PLA2G4D: variants seen among roughly 807,000 people sequenced by gnomAD.
PLA2G4D encodes phospholipase A2 group IVD.
In PLA2G4D, 80 loss-of-function variants were observed where a neutral mutation model predicts 94.4. That is an observed-to-expected ratio of 0.85 (90% CI 0.71 to 1.02). The LOEUF is 1.02. Ranked by LOEUF, PLA2G4D falls within the 50% of genes least tolerant of loss-of-function variation. The pLI, the probability that PLA2G4D is intolerant of heterozygous loss-of-function variation, is 0.00. For synonymous variants in PLA2G4D, 438 were observed against 440.9 expected (o/e 0.99, Z 0.08); for missense variants, 1,050 against 1,034.7 (o/e 1.01, Z -0.20).
At position 42,069,902 on chromosome 15, in the gene PLA2G4D, G is replaced by T; in HGVS notation, c.2230+7C>A. 7.1e-7 allele frequency: 1 copy of T among 1,406,928 alleles called. No individual in the cohort carries two copies. The highest frequency in any genetic ancestry group is 9.3e-7 in the Non-Finnish European group (1 of 1,080,466). The allele number at this position is 1,406,928 out of a possible 1,614,324, so 87.2% of individuals were successfully genotyped here. On this transcript the variant is annotated splice_region_variant and intron_variant, in intron 19 of 19. Coordinates refer to ENST00000290472, the MANE Select transcript of PLA2G4D (RefSeq NM_178034.4). The stretch of plus-strand genomic sequence containing the variant: ...GCAGCCTGGGTGCTTGGGAGGGGCT[G>T]CCTCACCGGGGGCTGAGTGGTCCTT...
In PLA2G4D at chr15:42,084,096, T is replaced by G. The variant is rs771487370; in HGVS notation, c.472-317A>C. On this transcript the variant is annotated intron_variant, in intron 6 of 19. Coordinates refer to ENST00000290472, the MANE Select transcript of PLA2G4D (RefSeq NM_178034.4). This position sits in a 1 kb window ranked among gnomAD's most constrained non-coding sequence, Gnocchi z 4.8. Reference sequence around the variant, plus strand: ...GTTTCTTCTCTTGTTTCCCTGTGGCTTGGAGCTGGAGGAGGTATTCTACCA... The same window carrying G: ...GTTTCTTCTCTTGTTTCCCTGTGGCGTGGAGCTGGAGGAGGTATTCTACCA... 5 of 345,920 alleles carry G rather than the reference T, an allele frequency of 1.4e-5. No individual in the cohort carries two copies. Among genetic ancestry groups the G allele is most frequent in the Non-Finnish European group, 2.2e-5 (4 of 185,366 alleles). 21.4% of individuals were successfully genotyped at this position (345,920 alleles called of 1,614,324 possible).
intron 18 of PLA2G4D, 158 bp from the exon 19 acceptor site, chr15:42,070,253 G>GT: frequency 1.4e-6 from 1 of 694,744 alleles, no homozygotes; most frequent in Non-Finnish European, 2.2e-6. Flanking sequence ...GGGAGACCCA[G>GT]GGGGAGTCCA....
In PLA2G4D at chr15:42,071,251, G is replaced by C. The variant is rs911394090; in HGVS notation, c.1748C>G (p.Thr583Arg). The change falls in exon 17 of 20, where the codon ACG becomes AGG. Residue 583 changes from threonine (T) to arginine (R), a missense_variant. Transcript: ENST00000290472. ...RLEASWLQPG[T>R]ALAQAFKGFL... ...GCCTTTAAATGCCTGGGCCAGCGCCGTGCCTGGCTGCAGCCACGAGGCCTC... is the reference window on the plus strand; with the variant it reads ...GCCTTTAAATGCCTGGGCCAGCGCCCTGCCTGGCTGCAGCCACGAGGCCTC... The C allele has an allele frequency of 1.2e-6, 2 of 1,608,682 alleles. No individual in the cohort carries two copies. The highest frequency in any genetic ancestry group is 2.7e-5 in the African/African-American group (2 of 74,574).
At chr15:42,072,467 C>G in intron 13 of PLA2G4D, 75 bp from the exon 14 acceptor site, 2 of 1,206,678 alleles carry the variant, frequency 1.7e-6, no homozygotes, top group Non-Finnish European at 2.4e-6. Context: ...AGGACAGGGG[C>G]AGGATGGGGG....
intron 1 of PLA2G4D, among the ~76,000 whole-genome samples, chr15:42,088,565 G>C (rs554266665): frequency 6.6e-6 from 1 of 152,172 alleles, no homozygotes. Flanking sequence ...CCTGCAGCAC[G>C]GCTTTTTCTG....
In PLA2G4D at chr15:42,070,113, G is replaced by T; in HGVS notation, c.2044-18C>A. 1.3e-6 allele frequency: 2 copies of T among 1,482,158 alleles called. No homozygotes were observed. Among genetic ancestry groups the T allele is most frequent in the Non-Finnish European group, 8.9e-7 (1 of 1,122,698 alleles). The allele number at this position is 1,482,158 out of a possible 1,614,324, so 91.8% of individuals were successfully genotyped here. A position where few individuals can be genotyped will look rare whatever the true frequency, so the allele number is the denominator to read the frequency against. On this transcript the variant is annotated intron_variant, in intron 18 of 19. Coordinates refer to ENST00000290472, the MANE Select transcript of PLA2G4D (RefSeq NM_178034.4). ...TGCAGTGCCTGGTGGGGAGAAGGTG[G>T]CCCGGAGAGAACCAGCCCGGCCCAG...
chr15:42,091,836 T>C lies in PLA2G4D; in HGVS notation c.45+2579A>G, dbSNP rs561129115. 6.3e-4 allele frequency among the ~76,000 whole-genome samples: 96 copies of C among 152,308 alleles called. 1 individual carries two copies. The highest frequency in any genetic ancestry group is 7.2e-4 in the Non-Finnish European group (49 of 68,020). On this transcript the variant is annotated intron_variant, in intron 1 of 19. Transcript: ENST00000290472. The stretch of plus-strand genomic sequence containing the variant: ...GAAATAATGGCGTAAGCTGTCTTTC[T>C]CTTTGTCTCCTCTCTCTCTCTGCCT...
intron 8 of PLA2G4D, 47 bp downstream of exon 8, chr15:42,083,151 G>C: frequency 6.3e-7 from 1 of 1,583,450 alleles, no homozygotes. Flanking sequence ...TGCAGCTGGA[G>C]CTGCCCAAGC....
intron 13 of PLA2G4D, among the ~76,000 whole-genome samples, chr15:42,078,596 G>A (rs1008220112): frequency 1.3e-5 from 2 of 152,030 alleles, no homozygotes; most frequent in Admixed American, 1.3e-4. Flanking sequence ...AAAGTTGAAG[G>A]CAAATTCATT....
chr15:42,087,254 G>T lies in PLA2G4D; in HGVS notation c.255+46C>A, dbSNP rs199519733. ...CTACCCCAGGAACCCTTGCATGGGG[G>T]TCCAGCCCGTTCACAAGGGAGTGGC... On this transcript the variant is annotated intron_variant, in intron 3 of 19. Transcript: ENST00000290472. The T allele has an allele frequency of 2.0e-5, 33 of 1,612,554 alleles. No individual in the cohort carries two copies. The East Asian group carries it at 6.7e-4, about 33-fold the overall frequency.
At chr15:42,089,846 TACTC>T (rs1829340706) in intron 1 of PLA2G4D, among the ~76,000 whole-genome samples, 1 of 152,208 alleles carries the variant, frequency 6.6e-6, no homozygotes, top group Admixed American at 6.5e-5. Context: ...TGGCCCCAGT[TACTC>T]ACTGTCTAGC....
At chr15:42,070,180 T>G (rs924526794) in intron 18 of PLA2G4D, 85 bp from the exon 19 acceptor site, 2 of 1,275,444 alleles carry the variant, frequency 1.6e-6, no homozygotes, top group East Asian at 3.1e-5. Context: ...GCTGCTTCAG[T>G]GTCAAGACAA....
At chr15:42,091,213 A>G (rs1214837621) in intron 1 of PLA2G4D, among the ~76,000 whole-genome samples, 1 of 152,264 alleles carries the variant, frequency 6.6e-6, no homozygotes, top group Non-Finnish European at 1.5e-5. Context: ...GTTCCAGTAT[A>G]ATAAAATATA....
chr15:42,088,855 C>T (rs1434756686), intron 1 of PLA2G4D, among the ~76,000 whole-genome samples: 2 of 152,068 alleles, frequency 1.3e-5, no homozygotes, highest in Non-Finnish European at 2.9e-5. Flanking sequence ...GGAGGGGATC[C>T]TGCAGGGCCA....
intron 13 of PLA2G4D, among the ~76,000 whole-genome samples, chr15:42,079,175 T>C (rs1889983647): frequency 6.6e-6 from 1 of 152,180 alleles, no homozygotes; most frequent in Non-Finnish European, 1.5e-5. Flanking sequence ...GGCAATCTGG[T>C]TACAGAGTTT....
intron 1 of PLA2G4D, among the ~76,000 whole-genome samples, chr15:42,092,520 CTT>C (rs1484081770): frequency 6.6e-6 from 1 of 152,182 alleles, no homozygotes; most frequent in African/African-American, 2.4e-5. Context: ...TGATATGAAT[CTT>C]TTCCCCTGAG....
Position 42,082,481 on chromosome 15 carries a change from C to T in PLA2G4D, c.673-92G>A, listed in dbSNP as rs898020117. On this transcript the variant is annotated intron_variant, in intron 8 of 19. Coordinates refer to ENST00000290472, the MANE Select transcript of PLA2G4D (RefSeq NM_178034.4). Reference sequence around the variant, plus strand: ...TACAATCCAGACAGACACATTCTCCCTGATAATACAGAATATTATAATATT... The same window carrying T: ...TACAATCCAGACAGACACATTCTCCTTGATAATACAGAATATTATAATATT... 3.9e-6 allele frequency: 3 copies of T among 775,778 alleles called. No individual in the cohort carries two copies. The South Asian group carries it at 4.8e-5, about 12-fold the overall frequency. 48.1% of individuals were successfully genotyped at this position (775,778 alleles called of 1,614,324 possible).
chr15:42,068,466 G>A lies in PLA2G4D; in HGVS notation c.*249C>T. 1 of 527,592 alleles carries A rather than the reference G, an allele frequency of 1.9e-6. No homozygotes were observed. The highest frequency in any genetic ancestry group is 3.4e-6 in the Non-Finnish European group (1 of 293,222). 32.7% of individuals were successfully genotyped at this position (527,592 alleles called of 1,614,324 possible). ...GCATGGAAGTAATTGTGGTGTGAAA[G>A]TCTGTCTGGTTGGACCAGCTGTTCT... On this transcript the variant is annotated 3_prime_UTR_variant, in exon 20 of 20. Coordinates refer to ENST00000290472, the MANE Select transcript of PLA2G4D (RefSeq NM_178034.4).
chr15:42,082,042 C>T (rs1191330719), intron 9 of PLA2G4D, among the ~76,000 whole-genome samples: 1 of 151,126 alleles, frequency 6.6e-6, no homozygotes, highest in Non-Finnish European at 1.5e-5. Context: ...GGTGATTCTC[C>T]TGCCTCAGCC....
Sources: allele counts gnomAD v4.1 joint callset (sites outside exome capture counted in the v4.1 genomes callset), GRCh38; gene constraint gnomAD v4.1.1; non-coding constraint Gnocchi (gnomAD v3.1); transcripts MANE v1.5; gene names NCBI Gene and HGNC (gene_info 2026-07-23, HGNC 2026-07-21).